The following TSPAN33 variants were observed in gnomAD, a reference collection of about 807,000 sequenced individuals.
TSPAN33 encodes the protein tetraspanin-33.
In TSPAN33, 27 loss-of-function variants were observed where a neutral mutation model predicts 34.8. The observed-to-expected ratio is 0.78, with a 90% CI of 0.57 to 1.07. The LOEUF (loss-of-function observed/expected upper bound fraction) is 1.07. TSPAN33 is among the 50% of genes least tolerant of loss of function. TSPAN33 has a pLI of 0.00. For missense variants in TSPAN33, 272 were observed against 324.9 expected, an observed-to-expected ratio of 0.84 and a Z score of 1.25; for synonymous variants, 119 against 124.2, an observed-to-expected ratio of 0.96 and a Z score of 0.28.
At chr7:129,159,012 G>A (rs1793005752) in intron 1 of TSPAN33, among the ~76,000 whole-genome samples, 1 of 149,756 alleles carries the variant, frequency 6.7e-6, no homozygotes, top group Admixed American at 6.7e-5. Context: ...GCCTCCCAAA[G>A]TGCTGGGATT....
In TSPAN33 at chr7:129,152,348, G is replaced by A. The variant is rs142809502; in HGVS notation, c.102+7266G>A. Reference sequence around the variant, plus strand: ...CACAAATGTCTACCAATGGAGGCATGGAGAAACAATTGTGTTACAGTCACA... The same window carrying A: ...CACAAATGTCTACCAATGGAGGCATAGAGAAACAATTGTGTTACAGTCACA... On this transcript the variant is annotated intron_variant, in intron 1 of 7. Coordinates refer to ENST00000486685, the MANE Select transcript of TSPAN33 (RefSeq NM_178562.5). 3.5e-3 allele frequency among the ~76,000 whole-genome samples: 537 copies of A among 152,266 alleles called. 6 individuals carry two copies. Among genetic ancestry groups the A allele is most frequent in the African/African-American group, 0.012 (512 of 41,550 alleles).
intron 4 of TSPAN33, 39 bp downstream of exon 4, chr7:129,162,946 C>G (rs1305337898): frequency 6.3e-7 from 1 of 1,594,404 alleles, no homozygotes; most frequent in Admixed American, 1.7e-5. Flanking sequence ...AGGTGTGACC[C>G]AGAGGGAGGA....
chr7:129,148,403 G>A lies in TSPAN33; in HGVS notation c.102+3321G>A, dbSNP rs1012895932. 6.6e-6 allele frequency among the ~76,000 whole-genome samples: 1 copy of A among 152,196 alleles called. No homozygotes were observed. Among genetic ancestry groups the A allele is most frequent in the African/African-American group, 2.4e-5 (1 of 41,448 alleles). ...CTCTAGACTTCGGGCTCTCGAGGGTGGGCACGGCCCTATTCACTTCTGGAT... is the reference window on the plus strand; with the variant it reads ...CTCTAGACTTCGGGCTCTCGAGGGTAGGCACGGCCCTATTCACTTCTGGAT... On this transcript the variant is annotated intron_variant, in intron 1 of 7. Coordinates refer to ENST00000486685, the MANE Select transcript of TSPAN33 (RefSeq NM_178562.5). The surrounding 1 kb of genome is among the most constrained non-coding windows in gnomAD (Gnocchi z 4.2).
Position 129,164,458 on chromosome 7 carries a change from C to T in TSPAN33, c.364-16C>T, listed in dbSNP as rs773359340. 11 of 1,612,086 alleles carry T rather than the reference C, an allele frequency of 6.8e-6. No individual in the cohort carries two copies. The highest frequency in any genetic ancestry group is 9.3e-6 in the Non-Finnish European group (11 of 1,178,384). ...ATTAGTCCTGTGTTCTGATTCCTTGCCCATGTCTCCGGCAGGCTCGAGGGA... is the reference window on the plus strand; with the variant it reads ...ATTAGTCCTGTGTTCTGATTCCTTGTCCATGTCTCCGGCAGGCTCGAGGGA... On this transcript the variant is annotated splice_polypyrimidine_tract_variant and intron_variant, in intron 4 of 7. Transcript: ENST00000486685.
chr7:129,154,779 G>A (rs2150623328), intron 1 of TSPAN33, among the ~76,000 whole-genome samples: 1 of 152,288 alleles, frequency 6.6e-6, no homozygotes, highest in South Asian at 2.1e-4. Flanking sequence ...ACAAATTGGG[G>A]TGGGAGGAGG....
In TSPAN33 at chr7:129,162,506, C is replaced by G. The variant is rs147462256; in HGVS notation, c.273C>G (p.Ile91Met). The G allele has an allele frequency of 1.9e-6, 3 of 1,613,218 alleles. No homozygotes were observed. The highest frequency in any genetic ancestry group is 2.7e-5 in the African/African-American group (2 of 74,930). The change falls in exon 3 of 8, where the codon ATC becomes ATG. Residue 91 changes from isoleucine to methionine, a missense_variant. Coordinates refer to ENST00000486685, the MANE Select transcript of TSPAN33 (RefSeq NM_178562.5). ...CGCIGSLREN[I>M]CLLQTFSLCL... is the part of the protein sequence containing the mutation. The stretch of plus-strand genomic sequence containing the variant: ...GCATTGGGTCCCTCCGCGAGAACAT[C>G]TGCCTCCTGCAGACGGTGAGTGGTC...
chr7:129,160,000 G>A (rs1160641086), intron 1 of TSPAN33, among the ~76,000 whole-genome samples: 1 of 152,128 alleles, frequency 6.6e-6, no homozygotes, highest in Non-Finnish European at 1.5e-5. Context: ...CTATTATCAT[G>A]CCACTGCACT....
rs79009658 is a variant in TSPAN33 at position 129,151,804 on chromosome 7, T to G, written c.102+6722T>G. Among the ~76,000 whole-genome samples, 783 of 152,128 alleles carry G rather than the reference T, an allele frequency of 5.1e-3. 7 individuals are homozygous for G. Among genetic ancestry groups the G allele is most frequent in the African/African-American group, 0.018 (734 of 41,482 alleles). On this transcript the variant is annotated intron_variant, in intron 1 of 7. Coordinates refer to ENST00000486685, the MANE Select transcript of TSPAN33 (RefSeq NM_178562.5). ...CTATTATGGAAAACTAGGAAACAAT[T>G]TATTTAGAGTATGCCTGCGTTGTTT...
rs1008547448 is a variant in TSPAN33, at chr7:129,162,743, T to C, written c.289-90T>C. On this transcript the variant is annotated intron_variant, in intron 3 of 7. Transcript: ENST00000486685. ...CTCATGTGTGGGGCATCTGGGAGAA[T>C]TGCCTGGCAGCTCCCAGCATCCCCT... is the stretch of plus-strand genomic sequence containing the variant. 4.7e-6 allele frequency: 7 copies of C among 1,486,160 alleles called. No individual in the cohort carries two copies. In the African/African-American group the frequency reaches 8.3e-5, roughly 18 times the overall value. The allele number at this position is 1,486,160 out of a possible 1,614,324, so 92.1% of individuals were successfully genotyped here.
intron 1 of TSPAN33, among the ~76,000 whole-genome samples, chr7:129,156,836 G>A (rs541481991): frequency 2.2e-4 from 34 of 152,252 alleles, no homozygotes; most frequent in Non-Finnish European, 4.6e-4. Context: ...CCAGGGGATG[G>A]CTATTTTCAT....
At chr7:129,160,585 T>G (rs1793033794) in intron 1 of TSPAN33, among the ~76,000 whole-genome samples, 1 of 152,196 alleles carries the variant, frequency 6.6e-6, no homozygotes, top group Non-Finnish European at 1.5e-5. Flanking sequence ...AGCCAGGAAA[T>G]TTGAAAGATC....
intron 1 of TSPAN33, among the ~76,000 whole-genome samples, chr7:129,146,907 C>G (rs1810527554): frequency 6.6e-6 from 1 of 152,176 alleles, no homozygotes; most frequent in Non-Finnish European, 1.5e-5. Flanking sequence ...GTGACAACAG[C>G]TGGGTGCATC....
chr7:129,161,804 C>G, intron 2 of TSPAN33, 68 bp downstream of exon 2: 1 of 1,596,912 alleles, frequency 6.3e-7, no homozygotes. Context: ...CCTCCTTCAG[C>G]CTGGCCCTCA....
At position 129,167,871 on chromosome 7, in the gene TSPAN33, C is replaced by G. The variant is rs751920564; in HGVS notation, c.849C>G (p.Tyr283Ter). Reference sequence around the variant, plus strand: ...AGCAGCACCGGGCTGACCCATGGTACTGAGAATCCATCCTGCACCTCCTCA... The same window carrying G: ...AGCAGCACCGGGCTGACCCATGGTAGTGAGAATCCATCCTGCACCTCCTCA... The part of the protein sequence containing the change: ...YNQQHRADPW[Y>*] The change falls in exon 8 of 8, where the codon TAC becomes TAG. Residue 283 changes from tyrosine to a stop codon, truncating the protein, a stop_gained. Transcript: ENST00000486685. LOFTEE classifies it high-confidence loss of function. The surrounding 1 kb of genome is among the most constrained non-coding windows in gnomAD (Gnocchi z 4.6). 2.5e-6 allele frequency: 4 copies of G among 1,613,878 alleles called. No homozygotes were observed. The Admixed American group carries it at 5.0e-5, about 20-fold the overall frequency.
At chr7:129,162,344 G>C (rs778592618) in intron 2 of TSPAN33, 50 bp from the exon 3 acceptor site, 1 of 1,603,234 alleles carries the variant, frequency 6.2e-7, no homozygotes, top group South Asian at 1.1e-5. Context: ...CCCATCCAGG[G>C]GTTCCTCAGT....
Position 129,164,516 on chromosome 7 carries a change from C to A in TSPAN33, c.406C>A (p.His136Asn). The A allele has an allele frequency of 6.2e-7, 1 of 1,614,078 alleles. No homozygotes were observed. The highest frequency in any genetic ancestry group is 8.5e-7 in the Non-Finnish European group (1 of 1,180,008). Residue 136 changes from histidine (H) to asparagine (N), a missense_variant, in exon 5 of 8, where the codon CAC becomes AAC. Coordinates refer to ENST00000486685, the MANE Select transcript of TSPAN33 (RefSeq NM_178562.5). ...VSEIINNAIVHYRDDLDLQNL... is the reference protein window; with the variant it reads ...VSEIINNAIVNYRDDLDLQNL... Reference sequence around the variant, plus strand: ...TGAGATCATCAACAATGCCATTGTGCACTACCGAGATGACTTGGATCTGCA... The same window carrying A: ...TGAGATCATCAACAATGCCATTGTGAACTACCGAGATGACTTGGATCTGCA...
At chr7:129,153,961 G>T (rs181612826) in intron 1 of TSPAN33, among the ~76,000 whole-genome samples, 24 of 151,876 alleles carry the variant, frequency 1.6e-4, no homozygotes, top group Non-Finnish European at 2.7e-4. Flanking sequence ...AAAAGAAGAA[G>T]AATATGACAA....
Position 129,167,901 on chromosome 7 carries a change from G to A in TSPAN33, c.*27G>A, listed in dbSNP as rs1793169027. The A allele has an allele frequency of 1.2e-6, 2 of 1,611,330 alleles. No homozygotes were observed. ...AATCCATCCTGCACCTCCTCACCAT[G>A]GAAACTGGCAAGCCTCATAAACGAA... On this transcript the variant is annotated 3_prime_UTR_variant, in exon 8 of 8. Transcript: ENST00000486685. This position sits in a 1 kb window ranked among gnomAD's most constrained non-coding sequence, Gnocchi z 4.6.
At position 129,164,586 on chromosome 7, in the gene TSPAN33, G is replaced by A; in HGVS notation, c.459+17G>A. 1.9e-6 allele frequency: 3 copies of A among 1,608,124 alleles called. No individual in the cohort carries two copies. The highest frequency in any genetic ancestry group is 2.6e-6 in the Non-Finnish European group (3 of 1,175,548). ...CAGAAAAAGGTATGGGTCAGCCAGT[G>A]GTCTGGGGGACTGTGGGTAAAAGTG... is the stretch of plus-strand genomic sequence containing the variant. On this transcript the variant is annotated intron_variant, in intron 5 of 7. Coordinates refer to ENST00000486685, the MANE Select transcript of TSPAN33 (RefSeq NM_178562.5).
Sources: gnomAD v4.1 joint callset for allele counts (sites outside exome capture counted in the v4.1 genomes callset) on GRCh38, gnomAD v4.1.1 for gene constraint, Gnocchi (gnomAD v3.1) non-coding constraint, MANE v1.5 for transcripts, NCBI Gene and HGNC (gene_info 2026-07-23, HGNC 2026-07-21) for gene names.